Variants in ANK3 observed in about 807,000 individuals in gnomAD.
ANK3 encodes the protein ankyrin-3.
ANK3 carries 57 observed loss-of-function variants against 370.9 expected under a neutral mutation model. The ratio of observed to expected loss-of-function variants is 0.15; its 90% CI spans 0.12 to 0.19. ANK3 has a LOEUF of 0.19. Ranked by LOEUF, ANK3 falls within the 10% of genes least tolerant of loss-of-function variation. The pLI is 1.00. For missense variants in ANK3, 4,439 were observed against 5,302.1 expected (o/e 0.84, Z 5.06); for synonymous variants, 1,929 against 1,946.3 (o/e 0.99, Z 0.23).
At chr10:60,604,263 T>C (rs1409921271) in intron 2 of ANK3, among the ~76,000 whole-genome samples, 1 of 152,202 alleles carries the variant, frequency 6.6e-6, no homozygotes, top group African/African-American at 2.4e-5. Flanking sequence ...AGCAGTATTG[T>C]GACATCATCA....
At chr10:60,498,999 CTT>C (rs1260492042) in intron 2 of ANK3, among the ~76,000 whole-genome samples, 1 of 152,214 alleles carries the variant, frequency 6.6e-6, no homozygotes, top group Non-Finnish European at 1.5e-5. Context: ...CTCACAGTAT[CTT>C]AATCACAATT....
At chr10:60,173,600 A>T (rs556337669) in intron 18 of ANK3, among the ~76,000 whole-genome samples, 1 of 152,242 alleles carries the variant, frequency 6.6e-6, no homozygotes, top group African/African-American at 2.4e-5. Context: ...GAAGTGGCTA[A>T]ATAATAACAC....
chr10:60,383,700 T>C (rs1183774349), intron 1 of ANK3, among the ~76,000 whole-genome samples: 1 of 151,940 alleles, frequency 6.6e-6, no homozygotes. Context: ...GTCCATATAC[T>C]CAATGCAGCA....
intron 7 of ANK3, among the ~76,000 whole-genome samples, chr10:60,257,722 C>CT (rs1356183273): frequency 1.3e-5 from 2 of 152,026 alleles, no homozygotes; most frequent in Non-Finnish European, 2.9e-5. Flanking sequence ...GTAACATTTA[C>CT]TTTTTTGGTT....
chr10:60,170,816 C>CT (rs555169990), intron 21 of ANK3, among the ~76,000 whole-genome samples: 8 of 151,892 alleles, frequency 5.3e-5, no homozygotes, highest in African/African-American at 1.7e-4. Context: ...TCTCTTAAAG[C>CT]TTTTTTTTGA....
At chr10:60,517,893 C>T (rs1302734205) in intron 2 of ANK3, among the ~76,000 whole-genome samples, 1 of 90,034 alleles carries the variant, frequency 1.1e-5, no homozygotes, top group Non-Finnish European at 2.3e-5. Flanking sequence ...GCACAGGAAC[C>T]AGATAACCAC....
At chr10:60,635,593 C>T (rs115008202) in intron 1 of ANK3, among the ~76,000 whole-genome samples, 119 of 152,034 alleles carry the variant, frequency 7.8e-4, no homozygotes, top group African/African-American at 2.7e-3. Context: ...TAGTAAAATC[C>T]AAACTATGAG....
In ANK3 at chr10:60,146,032, A is replaced by G. The variant is rs969906831; in HGVS notation, c.2615-6945T>C. 6 of 1,459,562 alleles carry G rather than the reference A, an allele frequency of 4.1e-6. No individual in the cohort carries two copies. The African/African-American group carries it at 5.6e-5, about 14-fold the overall frequency. The allele number at this position is 1,459,562 out of a possible 1,614,324, so 90.4% of individuals were successfully genotyped here. A position where few individuals can be genotyped will look rare whatever the true frequency, so the allele number is the denominator to read the frequency against. On this transcript the variant is annotated intron_variant, in intron 23 of 43. Coordinates refer to ENST00000280772, the MANE Select transcript of ANK3 (RefSeq NM_020987.5). The stretch of plus-strand genomic sequence containing the variant: ...ATGTGCATCTATTACCTATTCAAAA[A>G]ATGAATAAAATTAACAAAATAAAAC...
chr10:60,047,736 G>T (rs1484764741), intron 42 of ANK3, among the ~76,000 whole-genome samples: 1 of 152,180 alleles, frequency 6.6e-6, no homozygotes, highest in East Asian at 1.9e-4. Context: ...TGAATTTTAT[G>T]AAATTTCACA....
In ANK3 at chr10:60,248,710, T is replaced by C. The variant is rs150798118; in HGVS notation, c.798+13149A>G. On this transcript the variant is annotated intron_variant, in intron 7 of 43. Transcript: ENST00000280772. Reference sequence around the variant, plus strand: ...ATGAAATAGATGCTATTAATGTCAGTTCACAGAGGAGCAAAGTGAAGCTGG... The same window carrying C: ...ATGAAATAGATGCTATTAATGTCAGCTCACAGAGGAGCAAAGTGAAGCTGG... Among the ~76,000 whole-genome samples the C allele has an allele frequency of 1.2e-4, 19 of 152,344 alleles. No individual in the cohort carries two copies. The East Asian group carries it at 3.5e-3, about 28-fold the overall frequency.
intron 25 of ANK3, among the ~76,000 whole-genome samples, chr10:60,127,280 C>T (rs1417535309): frequency 6.6e-6 from 1 of 152,138 alleles, no homozygotes; most frequent in African/African-American, 2.4e-5. Context: ...AATTGGGTCT[C>T]ACTGTTGCAG....
chr10:60,311,120 T>A (rs1400474628), intron 1 of ANK3, among the ~76,000 whole-genome samples: 2 of 152,192 alleles, frequency 1.3e-5, no homozygotes, highest in Non-Finnish European at 2.9e-5. Flanking sequence ...GTGGTGGTTG[T>A]TCAATTACAA....
chr10:60,711,389 T>A (rs535998114), intron 1 of ANK3, among the ~76,000 whole-genome samples: 12 of 150,948 alleles, frequency 7.9e-5, no homozygotes, highest in African/African-American at 1.9e-4. Flanking sequence ...AATAAATAAA[T>A]AAATAAATAA....
At chr10:60,661,484 A>G (rs1005700947) in intron 1 of ANK3, among the ~76,000 whole-genome samples, 2 of 152,062 alleles carry the variant, frequency 1.3e-5, no homozygotes, top group African/African-American at 4.8e-5. Context: ...TTGCCCTTCT[A>G]GTTTCCTTTT....
chr10:60,306,822 A>G (rs1013153454), intron 1 of ANK3, among the ~76,000 whole-genome samples: 2 of 152,194 alleles, frequency 1.3e-5, no homozygotes, highest in Non-Finnish European at 2.9e-5. Context: ...GAACAAGCAT[A>G]AAGACTTAGG....
chr10:60,098,612 T>C (rs181064306), intron 28 of ANK3, among the ~76,000 whole-genome samples: 77 of 152,356 alleles, frequency 5.1e-4, no homozygotes, highest in African/African-American at 1.6e-3. Flanking sequence ...TCAAATGATA[T>C]AACTTGATCC....
At chr10:60,547,093 T>C (rs1322902685) in intron 2 of ANK3, among the ~76,000 whole-genome samples, 2 of 148,262 alleles carry the variant, frequency 1.3e-5, no homozygotes, top group Non-Finnish European at 3.0e-5. Flanking sequence ...GCAACTCTTT[T>C]TTTTTTTTTT....
chr10:60,435,252 C>G (rs192708424), intron 2 of ANK3, among the ~76,000 whole-genome samples: 1 of 152,140 alleles, frequency 6.6e-6, no homozygotes, highest in East Asian at 1.9e-4. Flanking sequence ...GTACACTTTC[C>G]TAAGAAAAGT....
At chr10:60,349,837 A>G (rs184618136) in intron 1 of ANK3, among the ~76,000 whole-genome samples, 24 of 152,352 alleles carry the variant, frequency 1.6e-4, no homozygotes, top group Admixed American at 1.4e-3. Flanking sequence ...GTCTCTGGAC[A>G]AGTCATAATT....
Sources: allele counts gnomAD v4.1 joint callset (sites outside exome capture counted in the v4.1 genomes callset), GRCh38; gene constraint gnomAD v4.1.1; transcripts MANE v1.5; gene names NCBI Gene and HGNC (gene_info 2026-07-23, HGNC 2026-07-21).